Variants in USP32 observed in about 807,000 individuals in gnomAD.
USP32 encodes ubiquitin carboxyl-terminal hydrolase 32.
USP32 carries 59 observed loss-of-function variants against 204.8 expected under a neutral mutation model. That is an observed-to-expected ratio of 0.29 (90% CI 0.23 to 0.36). USP32 has a LOEUF of 0.36. USP32 is among the 10% of genes least tolerant of loss of function. USP32 has a pLI of 1.00. For missense variants in USP32, 1,160 were observed against 1,946.4 expected (o/e 0.60, Z 7.60); for synonymous variants, 517 against 678.4 (o/e 0.76, Z 3.70).
intron 11 of USP32, among the ~76,000 whole-genome samples, chr17:60,244,104 C>T (rs189421977): frequency 1.1e-3 from 152 of 136,334 alleles, no homozygotes; most frequent in African/African-American, 3.3e-3. Context: ...GACGCGATCT[C>T]GGCTCACTGC....
intron 5 of USP32, among the ~76,000 whole-genome samples, chr17:60,286,920 G>A (rs1598197191): frequency 1.3e-5 from 2 of 152,228 alleles, no homozygotes; most frequent in East Asian, 3.9e-4. Context: ...GGCTGAGGCG[G>A]GTGGATCACT....
chr17:60,223,906 A>G (rs537558054), intron 13 of USP32, among the ~76,000 whole-genome samples: 16 of 152,370 alleles, frequency 1.1e-4, no homozygotes, highest in Admixed American at 4.6e-4. Context: ...GGGCTTCTAC[A>G]TAGCATCCTT....
At chr17:60,352,481 C>T (rs77879262) in intron 1 of USP32, among the ~76,000 whole-genome samples, 1 of 152,136 alleles carries the variant, frequency 6.6e-6, no homozygotes, top group Non-Finnish European at 1.5e-5. Context: ...AAAAATAAAC[C>T]CTTATATCTT....
intron 29 of USP32, among the ~76,000 whole-genome samples, chr17:60,189,353 CACA>C (rs1375166371): frequency 7.9e-5 from 12 of 152,242 alleles, no homozygotes; most frequent in South Asian, 2.1e-4. Flanking sequence ...TCCTCCATAG[CACA>C]ACAAGACAGA....
rs1318250567 is a variant in USP32, at chr17:60,213,945, GT to G, written c.2023-284del. ...GTTACATGAATACGTTTTGTTTTTT[GT>G]TTTTTTTTTTTTTAAAGATGGAGTC... On this transcript the variant is annotated intron_variant, in intron 17 of 33. Coordinates refer to ENST00000300896, the MANE Select transcript of USP32 (RefSeq NM_032582.4). Among the ~76,000 whole-genome samples, 396 of 139,478 alleles carry G rather than the reference GT, an allele frequency of 2.8e-3. 1 individual carries two copies. Among genetic ancestry groups the G allele is most frequent in the African/African-American group, 5.6e-3 (215 of 38,664 alleles). 91.5% of individuals were successfully genotyped at this position (139,478 alleles called of 152,430 possible).
chr17:60,179,827 C>T (rs1173167429), intron 33 of USP32, among the ~76,000 whole-genome samples: 2 of 151,982 alleles, frequency 1.3e-5, no homozygotes, highest in African/African-American at 2.4e-5. Flanking sequence ...CGTGCCACCA[C>T]GCCTGGCTAA....
intron 1 of USP32, among the ~76,000 whole-genome samples, chr17:60,361,639 G>C: frequency 6.6e-6 from 1 of 151,998 alleles, no homozygotes. Context: ...GTTCACTATT[G>C]CTTAGTAGTT....
chr17:60,392,710 A>C (rs2089863693), upstream of USP32: 7 of 424,538 alleles, frequency 1.6e-5, no homozygotes, highest in Non-Finnish European at 2.8e-5. Context: ...GGAAAGGAGA[A>C]TCTCAAGGCT....
intron 2 of USP32, among the ~76,000 whole-genome samples, chr17:60,304,583 G>C (rs2087675368): frequency 6.6e-6 from 1 of 152,114 alleles, no homozygotes; most frequent in Non-Finnish European, 1.5e-5. Context: ...ATCAGTAAGA[G>C]AAGAAATGTA....
At chr17:60,309,979 G>A (rs1164609079) in intron 2 of USP32, among the ~76,000 whole-genome samples, 1 of 152,110 alleles carries the variant, frequency 6.6e-6, no homozygotes, top group African/African-American at 2.4e-5. Context: ...GGGAGGTGGA[G>A]GTTGCAGTGA....
intron 1 of USP32, among the ~76,000 whole-genome samples, chr17:60,355,887 TAA>T (rs58715953): frequency 0.044 from 2,260 of 51,428 alleles, 106 homozygotes; most frequent in African/African-American, 0.15. Flanking sequence ...TGAACCTCTG[TAA>T]AAAAAAAAAA....
intron 2 of USP32, among the ~76,000 whole-genome samples, chr17:60,306,447 G>C (rs543771877): frequency 6.6e-6 from 1 of 152,110 alleles, no homozygotes; most frequent in Non-Finnish European, 1.5e-5. Context: ...AGAGCTGCCT[G>C]GCCAATGTGG....
intron 5 of USP32, among the ~76,000 whole-genome samples, chr17:60,276,817 T>C (rs150726565): frequency 2.0e-5 from 3 of 152,206 alleles, no homozygotes; most frequent in Admixed American, 6.5e-5. Flanking sequence ...AGATTGGTCA[T>C]GGTCACCAGT....
At chr17:60,382,669 C>CT (rs1227348297) in intron 1 of USP32, among the ~76,000 whole-genome samples, 1 of 152,120 alleles carries the variant, frequency 6.6e-6, no homozygotes, top group African/African-American at 2.4e-5. Context: ...CTGTATAACA[C>CT]TTTAAGCAAA....
Position 60,205,678 on chromosome 17 carries a change from T to C in USP32, c.3038-20A>G. 3 of 1,612,956 alleles carry C rather than the reference T, an allele frequency of 1.9e-6. No homozygotes were observed. Among genetic ancestry groups the C allele is most frequent in the Non-Finnish European group, 1.7e-6 (2 of 1,179,076 alleles). On this transcript the variant is annotated intron_variant, in intron 25 of 33. Transcript: ENST00000300896. ...AGAAATCTACAAATTCAAAGATAAG[T>C]ACAGTATCATAAGCTTGTGGTATTT...
intron 1 of USP32, among the ~76,000 whole-genome samples, chr17:60,349,624 T>TATATATATATATATATATAA (rs1491225872): frequency 1.7e-5 from 1 of 60,298 alleles, no homozygotes; most frequent in Non-Finnish European, 2.7e-5. Flanking sequence ...TATATATATA[T>TATATATATATATATATATAA]TATATATATA....
chr17:60,350,958 G>A (rs571981533), intron 1 of USP32, among the ~76,000 whole-genome samples: 20 of 152,092 alleles, frequency 1.3e-4, no homozygotes, highest in African/African-American at 4.1e-4. Flanking sequence ...CTAAGAGACA[G>A]TCAAATTTTT....
intron 1 of USP32, among the ~76,000 whole-genome samples, chr17:60,418,119 C>T (rs1354644299): frequency 2.6e-5 from 4 of 152,068 alleles, no homozygotes; most frequent in African/African-American, 7.2e-5. Context: ...CTACCACGCC[C>T]AGCTAATTTT....
chr17:60,271,291 T>G, intron 6 of USP32, 59 bp downstream of exon 6: 102 of 1,576,216 alleles, frequency 6.5e-5, no homozygotes, highest in Non-Finnish European at 7.7e-5. Flanking sequence ...GTTACAAATA[T>G]GAGATGGGCT....
Sources: gnomAD v4.1 joint callset for allele counts (sites outside exome capture counted in the v4.1 genomes callset) on GRCh38, gnomAD v4.1.1 for gene constraint, MANE v1.5 for transcripts, NCBI Gene and HGNC (gene_info 2026-07-23, HGNC 2026-07-21) for gene names.